CPXM2: variants seen among roughly 807,000 people sequenced by gnomAD.
CPXM2 encodes inactive carboxypeptidase-like protein X2.
A neutral mutation model predicts 86.1 loss-of-function variants in CPXM2; 66 were observed. The ratio of observed to expected loss-of-function variants is 0.77; its 90% CI spans 0.63 to 0.94. The LOEUF (loss-of-function observed/expected upper bound fraction) is 0.94. Among genes scored for constraint, CPXM2 ranks in the 40% least tolerant of loss-of-function variants. The pLI is 0.00. For missense variants in CPXM2, 948 were observed against 1,026.3 expected, an observed-to-expected ratio of 0.92 and a Z score of 1.04; for synonymous variants, 388 against 400.2, an observed-to-expected ratio of 0.97 and a Z score of 0.36.
At position 123,857,588 on chromosome 10, in the gene CPXM2, C is replaced by T. The variant is rs111343396; in HGVS notation, c.513+5026G>A. On this transcript the variant is annotated intron_variant, in intron 3 of 13. Coordinates refer to ENST00000241305, the MANE Select transcript of CPXM2 (RefSeq NM_198148.3). ...TGGAAGGCGGCGTGGAGATGGAAGG[C>T]GGCGTGGAGATGGAAGGCGGCGTGG... is the stretch of plus-strand genomic sequence containing the variant. Among the ~76,000 whole-genome samples the T allele has an allele frequency of 5.0e-5, 7 of 139,254 alleles. No homozygotes were observed. The South Asian group carries it at 1.3e-3, about 26-fold the overall frequency. 91.4% of individuals were successfully genotyped at this position (139,254 alleles called of 152,430 possible).
intron 6 of CPXM2, among the ~76,000 whole-genome samples, chr10:123,785,854 C>T (rs1030950290): frequency 2.6e-5 from 4 of 152,182 alleles, no homozygotes; most frequent in African/African-American, 7.2e-5. Context: ...AGGATGTTCT[C>T]GATCTCCTGA....
At chr10:123,793,530 T>C (rs569595897) in intron 6 of CPXM2, among the ~76,000 whole-genome samples, 6 of 148,736 alleles carry the variant, frequency 4.0e-5, no homozygotes, top group African/African-American at 1.5e-4. Context: ...CCAAAGCTCA[T>C]GTCCCTTCTG....
chr10:123,801,631 A>G lies in CPXM2; in HGVS notation c.654-2432T>C, dbSNP rs75196629. Among the ~76,000 whole-genome samples the G allele has an allele frequency of 9.8e-3, 1,491 of 152,282 alleles. 13 individuals are homozygous for G. The highest frequency in any genetic ancestry group is 0.017 in the Non-Finnish European group (1,164 of 68,030). On this transcript the variant is annotated intron_variant, in intron 4 of 13. Coordinates refer to ENST00000241305, the MANE Select transcript of CPXM2 (RefSeq NM_198148.3). The stretch of plus-strand genomic sequence containing the variant: ...CTTACTTTTCTAATGAAATATGATC[A>G]TGTCATCCCTGCTTAAAATAGCTCT...
chr10:123,783,370 T>C (rs1846977945), intron 6 of CPXM2, among the ~76,000 whole-genome samples: 1 of 152,232 alleles, frequency 6.6e-6, no homozygotes, highest in Non-Finnish European at 1.5e-5. Flanking sequence ...GTAACACTCA[T>C]GTGGGGAATC....
chr10:123,821,513 G>A (rs1218853605), intron 4 of CPXM2, among the ~76,000 whole-genome samples: 4 of 152,220 alleles, frequency 2.6e-5, no homozygotes, highest in Non-Finnish European at 4.4e-5. Context: ...GCTCTTCTGA[G>A]CATTCTGCCA....
chr10:123,773,244 T>C lies in CPXM2; in HGVS notation c.979-2205A>G, dbSNP rs61863761. 3.8e-4 allele frequency among the ~76,000 whole-genome samples: 50 copies of C among 132,674 alleles called. 1 individual carries two copies. Among genetic ancestry groups the C allele is most frequent in the South Asian group, 8.8e-4 (4 of 4,532 alleles). The allele number at this position is 132,674 out of a possible 152,430, so 87.0% of individuals were successfully genotyped here. Reference sequence around the variant, plus strand: ...TCATTGTGGTTATCACTTCCCTGGTTGTGGTTATCACCTCCCTGGTTGTGG... The same window carrying C: ...TCATTGTGGTTATCACTTCCCTGGTCGTGGTTATCACCTCCCTGGTTGTGG... On this transcript the variant is annotated intron_variant, in intron 7 of 13. Transcript: ENST00000241305.
In CPXM2 at chr10:123,865,518, G is replaced by A. The variant is rs1359439513; in HGVS notation, c.404-2795C>T. Among the ~76,000 whole-genome samples the A allele has an allele frequency of 3.3e-5, 5 of 152,132 alleles. No homozygotes were observed. The highest frequency in any genetic ancestry group is 6.5e-5 in the Admixed American group (1 of 15,270). On this transcript the variant is annotated intron_variant, in intron 2 of 13. Transcript: ENST00000241305. The surrounding 1 kb of genome is among the most constrained non-coding windows in gnomAD (Gnocchi z 4.7). The stretch of plus-strand genomic sequence containing the variant: ...GCAGGTGGAAAGGCACAGAGCTCCC[G>A]TCATCTAGGAAGCAGAACAGTGGAT...
chr10:123,750,148 TCTTA>T, intron 13 of CPXM2: 1 of 985,358 alleles, frequency 1.0e-6, no homozygotes, highest in Non-Finnish European at 1.2e-6. Flanking sequence ...TGAAAGCTAT[TCTTA>T]CTAATTTTCA....
Position 123,780,162 on chromosome 10 carries a change from C to A in CPXM2, c.978+5G>T, listed in dbSNP as rs1846899277. On this transcript the variant is annotated splice_donor_5th_base_variant and intron_variant, in intron 7 of 13. Transcript: ENST00000241305. ...TGGCATGAGGCTTTGTGATCTGGGT[C>A]TTACCTGGCGCATTTCCTTATAATT... The A allele has an allele frequency of 6.3e-7, 1 of 1,580,902 alleles. No individual in the cohort carries two copies. Among genetic ancestry groups the A allele is most frequent in the South Asian group, 1.1e-5 (1 of 90,392 alleles).
intron 4 of CPXM2, among the ~76,000 whole-genome samples, chr10:123,823,680 G>GA (rs1299187009): frequency 6.6e-6 from 1 of 152,108 alleles, no homozygotes; most frequent in South Asian, 2.1e-4. Flanking sequence ...ATGAGAAAGA[G>GA]AAAAAAAGTG....
chr10:123,844,255 T>C (rs1360032090), intron 3 of CPXM2, among the ~76,000 whole-genome samples: 1 of 152,010 alleles, frequency 6.6e-6, no homozygotes, highest in Non-Finnish European at 1.5e-5. Context: ...TTCTCTTTAA[T>C]AATGTAGGGA....
At chr10:123,943,154 G>A (rs544119300), upstream of CPXM2, among the ~76,000 whole-genome samples, 29 of 81,436 alleles carry the variant, frequency 3.6e-4, no homozygotes, top group Admixed American at 2.5e-3. Flanking sequence ...GTTAAGCAAC[G>A]TATGACTGTA....
chr10:123,813,828 G>A (rs1351989625), intron 4 of CPXM2, among the ~76,000 whole-genome samples: 1 of 152,208 alleles, frequency 6.6e-6, no homozygotes, highest in Non-Finnish European at 1.5e-5. Flanking sequence ...TGGAAACATT[G>A]TTTTGTGTGC....
intron 2 of CPXM2, among the ~76,000 whole-genome samples, chr10:123,927,184 G>A (rs1421111836): frequency 1.3e-5 from 2 of 152,156 alleles, no homozygotes; most frequent in African/African-American, 4.8e-5. Flanking sequence ...CCTTTTCAAA[G>A]GTTGCTCCCT....
intron 4 of CPXM2, among the ~76,000 whole-genome samples, chr10:123,801,320 C>T (rs973177409): frequency 4.6e-5 from 7 of 152,192 alleles, no homozygotes; most frequent in African/African-American, 1.2e-4. Flanking sequence ...GCTCCTCTTT[C>T]GCTTTCCACC....
At chr10:123,756,985 A>AT (rs994930491) in intron 12 of CPXM2, among the ~76,000 whole-genome samples, 1 of 152,190 alleles carries the variant, frequency 6.6e-6, no homozygotes, top group Non-Finnish European at 1.5e-5. Flanking sequence ...AGAGCTCAGG[A>AT]ACCAGTCCCA....
intron 4 of CPXM2, among the ~76,000 whole-genome samples, chr10:123,817,644 A>T (rs567816010): frequency 2.6e-5 from 4 of 152,320 alleles, no homozygotes; most frequent in African/African-American, 9.6e-5. Context: ...GACACAAGTA[A>T]GTTACATGAG....
intron 2 of CPXM2, among the ~76,000 whole-genome samples, chr10:123,922,782 G>A (rs921792770): frequency 1.3e-5 from 2 of 152,228 alleles, no homozygotes; most frequent in Non-Finnish European, 2.9e-5. Context: ...CAAGAGGAAT[G>A]GAAGAACTTC....
intron 2 of CPXM2, among the ~76,000 whole-genome samples, chr10:123,901,843 C>T (rs889302518): frequency 4.6e-5 from 7 of 152,172 alleles, no homozygotes; most frequent in Non-Finnish European, 1.0e-4. Context: ...CAAGGCTCAG[C>T]TGTATTGACC....
Sources: allele counts gnomAD v4.1 joint callset (sites outside exome capture counted in the v4.1 genomes callset), GRCh38; gene constraint gnomAD v4.1.1; non-coding constraint Gnocchi (gnomAD v3.1); transcripts MANE v1.5; gene names NCBI Gene and HGNC (gene_info 2026-07-23, HGNC 2026-07-21).